The following REEP3 variants were observed in gnomAD, a reference collection of about 807,000 sequenced individuals.
The protein encoded by REEP3 is receptor accessory protein 3, also known as receptor expression-enhancing protein 3.
REEP3 carries 20 observed loss-of-function variants against 41.3 expected under a neutral mutation model. The observed-to-expected ratio is 0.48, with a 90% confidence interval of 0.34 to 0.70. The LOEUF is 0.70. REEP3 is among the 30% of genes least tolerant of loss of function. REEP3 has a pLI of 0.01. For missense variants in REEP3, 271 were observed against 308.8 expected, an observed-to-expected ratio of 0.88 and a Z score of 0.92; for synonymous variants, 104 against 101.8, an observed-to-expected ratio of 1.02 and a Z score of -0.13.
At chr10:63,537,569 TA>T (rs1251249466) in intron 1 of REEP3, among the ~76,000 whole-genome samples, 2 of 152,178 alleles carry the variant, frequency 1.3e-5, no homozygotes, top group Non-Finnish European at 2.9e-5. Flanking sequence ...ATGATTACAT[TA>T]AAAACATGTT....
intron 2 of REEP3, among the ~76,000 whole-genome samples, chr10:63,580,984 C>T (rs1955949058): frequency 6.6e-6 from 1 of 152,082 alleles, no homozygotes; most frequent in Non-Finnish European, 1.5e-5. Flanking sequence ...TGCACTCCAG[C>T]CTGGGGGACA....
At chr10:63,579,059 GTC>G (rs1291273192) in intron 2 of REEP3, among the ~76,000 whole-genome samples, 2 of 149,048 alleles carry the variant, frequency 1.3e-5, no homozygotes, top group African/African-American at 2.5e-5. Context: ...GGGAGATGGA[GTC>G]TCTCTCTGTC....
At chr10:63,569,758 A>G (rs4746205) in intron 2 of REEP3, among the ~76,000 whole-genome samples, 70,744 of 151,872 alleles carry the variant, frequency 0.47, 16,759 homozygotes, top group Middle Eastern at 0.55. Flanking sequence ...CCTGGCCAAC[A>G]TGGTGAAACC....
rs551374219 is a variant in REEP3 at position 63,528,838 on chromosome 10, C to T, written c.32+7261C>T. On this transcript the variant is annotated intron_variant, in intron 1 of 7. Coordinates refer to ENST00000373758, the MANE Select transcript of REEP3 (RefSeq NM_001001330.3). The stretch of plus-strand genomic sequence containing the variant: ...CAGATACCCTCCTGCCTCATTCCCT[C>T]GCTTCCTTCAGGTGTTCACTTTCTC... Among the ~76,000 whole-genome samples, 15 of 152,324 alleles carry T rather than the reference C, an allele frequency of 9.8e-5. No individual in the cohort carries two copies. In the South Asian group the frequency reaches 2.3e-3, roughly 23 times the overall value.
chr10:63,579,046 G>GT (rs151292170), intron 2 of REEP3, among the ~76,000 whole-genome samples: 4,519 of 148,342 alleles, frequency 0.03, 153 homozygotes, highest in African/African-American at 0.083. Flanking sequence ...TTTTTTGGGG[G>GT]GGGGGAGATG....
chr10:63,601,312 C>T (rs974952339), intron 5 of REEP3, among the ~76,000 whole-genome samples: 19 of 152,124 alleles, frequency 1.2e-4, no homozygotes, highest in Admixed American at 1.1e-3. Context: ...ATTGTGTTAG[C>T]TTAGAATTAA....
intron 6 of REEP3, among the ~76,000 whole-genome samples, chr10:63,615,650 A>G (rs1008761997): frequency 3.2e-4 from 48 of 151,922 alleles, no homozygotes; most frequent in Admixed American, 2.8e-3. Flanking sequence ...GGTTCAAGCA[A>G]TTCTCTGCCT....
chr10:63,580,434 G>A (rs1955942064), intron 2 of REEP3, among the ~76,000 whole-genome samples: 1 of 152,078 alleles, frequency 6.6e-6, no homozygotes, highest in African/African-American at 2.4e-5. Context: ...ACTGCATCCA[G>A]CTATAATAGC....
chr10:63,590,910 A>T (rs1956056088), intron 2 of REEP3, among the ~76,000 whole-genome samples: 1 of 152,178 alleles, frequency 6.6e-6, no homozygotes, highest in Non-Finnish European at 1.5e-5. Flanking sequence ...GTGATTTGTG[A>T]TTTATTAAAG....
chr10:63,592,026 T>C (rs1180479379), intron 2 of REEP3, among the ~76,000 whole-genome samples: 1 of 152,224 alleles, frequency 6.6e-6, no homozygotes. Context: ...TCTGTGAATT[T>C]ATTAAATTTT....
chr10:63,536,380 A>G (rs1955474508), intron 1 of REEP3, among the ~76,000 whole-genome samples: 1 of 152,226 alleles, frequency 6.6e-6, no homozygotes. Context: ...GTCCATTTCT[A>G]TTACATTCAC....
Position 63,615,584 on chromosome 10 carries a change from C to T in REEP3, c.566-4071C>T, listed in dbSNP as rs181876062. ...TTTTTGAGGTGGAGTCTCACTCTGT[C>T]GCCCAGGCTGGAGTGCAGTGGCGCG... On this transcript the variant is annotated intron_variant, in intron 6 of 7. Coordinates refer to ENST00000373758, the MANE Select transcript of REEP3 (RefSeq NM_001001330.3). Among the ~76,000 whole-genome samples the T allele has an allele frequency of 4.0e-5, 6 of 149,298 alleles. No individual in the cohort carries two copies. In the East Asian group the frequency reaches 7.8e-4, roughly 20 times the overall value.
intron 1 of REEP3, among the ~76,000 whole-genome samples, chr10:63,525,247 G>C (rs1955350769): frequency 1.3e-5 from 2 of 152,176 alleles, no homozygotes; most frequent in Admixed American, 6.5e-5. Flanking sequence ...GCAGTCTCTT[G>C]CTGATTATAG....
At chr10:63,556,391 G>A (rs1955680082) in intron 1 of REEP3, among the ~76,000 whole-genome samples, 1 of 151,926 alleles carries the variant, frequency 6.6e-6, no homozygotes, top group Admixed American at 6.6e-5. Context: ...CAAAGTGCTG[G>A]GATTACAGGC....
chr10:63,560,769 TAA>T (rs1955733111), intron 1 of REEP3, among the ~76,000 whole-genome samples: 2 of 152,206 alleles, frequency 1.3e-5, no homozygotes, highest in African/African-American at 4.8e-5. Flanking sequence ...GGTGGCCCTG[TAA>T]AATATACTTT....
intron 1 of REEP3, among the ~76,000 whole-genome samples, chr10:63,555,469 C>T (rs2133365044): frequency 6.6e-6 from 1 of 152,234 alleles, no homozygotes; most frequent in African/African-American, 2.4e-5. Flanking sequence ...CTGATGGCTG[C>T]CATGGCAGAA....
intron 6 of REEP3, among the ~76,000 whole-genome samples, chr10:63,613,770 G>A (rs886600332): frequency 3.3e-5 from 5 of 152,046 alleles, no homozygotes; most frequent in African/African-American, 1.2e-4. Flanking sequence ...GCTAGAAGGT[G>A]GAGTAGAGAA....
intron 1 of REEP3, among the ~76,000 whole-genome samples, chr10:63,559,156 TTTAAA>T (rs1341123226): frequency 7.2e-5 from 11 of 152,286 alleles, no homozygotes; most frequent in African/African-American, 2.6e-4. Context: ...CAAGCTACAA[TTTAAA>T]TTATTTTGTC....
chr10:63,583,439 G>A (rs1469145696), intron 2 of REEP3, among the ~76,000 whole-genome samples: 1 of 152,180 alleles, frequency 6.6e-6, no homozygotes, highest in African/African-American at 2.4e-5. Flanking sequence ...GTATATAGGG[G>A]CTGTTATGTT....
Sources: allele counts gnomAD v4.1 joint callset (sites outside exome capture counted in the v4.1 genomes callset), GRCh38; gene constraint gnomAD v4.1.1; transcripts MANE v1.5; gene names NCBI Gene and HGNC (gene_info 2026-07-23, HGNC 2026-07-21).